Variants in GPC6 observed in about 807,000 individuals in gnomAD.
The protein encoded by GPC6 is glypican-6.
GPC6 carries 14 observed loss-of-function variants against 55.2 expected under a neutral mutation model. That is an observed-to-expected ratio of 0.25 (90% CI 0.17 to 0.40). The LOEUF is 0.40. Among genes scored for constraint, GPC6 ranks in the 10% least tolerant of loss-of-function variants. GPC6 has a pLI of 1.00. For synonymous variants in GPC6, 278 were observed against 259.6 expected (o/e 1.07, Z -0.68); for missense variants, 641 against 708.5 (o/e 0.90, Z 1.08).
chr13:94,382,661 A>G (rs902057601), intron 7 of GPC6, 111 bp downstream of exon 7: 14 of 1,409,536 alleles, frequency 9.9e-6, no homozygotes, highest in Non-Finnish European at 1.4e-5. Flanking sequence ...CAGAGGGTGG[A>G]GGGACAAGTC....
At position 93,583,338 on chromosome 13, in the gene GPC6, T is replaced by TTGTGTGTGTG. The variant is rs34034260; in HGVS notation, c.319+37924_319+37933dup. On this transcript the variant is annotated intron_variant, in intron 2 of 8. Transcript: ENST00000377047. ...GAATTTGTTTTAAAAGTAATGCACA[T>TTGTGTGTGTG]TGTGTGTGTGTGTGTGCGCGCGCGC... is the stretch of plus-strand genomic sequence containing the variant. Among the ~76,000 whole-genome samples the TTGTGTGTGTG allele has an allele frequency of 7.7e-3, 1,166 of 151,564 alleles. 9 individuals are homozygous for TTGTGTGTGTG. Among genetic ancestry groups the TTGTGTGTGTG allele is most frequent in the Middle Eastern group, 0.021 (6 of 292 alleles).
At position 93,395,094 on chromosome 13, in the gene GPC6, C is replaced by A. The variant is rs184733910; in HGVS notation, c.161-150169C>A. On this transcript the variant is annotated intron_variant, in intron 1 of 8. Transcript: ENST00000377047. ...TAATTGCCAAAATCATTGCAGATTACACAACTTCCAAAGTTGATTCCATCA... is the reference window on the plus strand; with the variant it reads ...TAATTGCCAAAATCATTGCAGATTAAACAACTTCCAAAGTTGATTCCATCA... The A allele has an allele frequency of 4.8e-4, 128 of 267,010 alleles. 1 individual carries two copies. The East Asian group carries it at 9.3e-3, about 19-fold the overall frequency. The allele number at this position is 267,010 out of a possible 1,614,324, so 16.5% of individuals were successfully genotyped here.
intron 4 of GPC6, among the ~76,000 whole-genome samples, chr13:94,071,167 T>C (rs948720396): frequency 1.3e-5 from 2 of 152,228 alleles, no homozygotes; most frequent in Admixed American, 1.3e-4. Context: ...CAGCATTTGA[T>C]TATTCATTAT....
chr13:94,302,006 C>T (rs2139106118), intron 5 of GPC6, among the ~76,000 whole-genome samples: 1 of 152,318 alleles, frequency 6.6e-6, no homozygotes, highest in Non-Finnish European at 1.5e-5. Flanking sequence ...CAAAACTGTG[C>T]CTAACTATAC....
chr13:93,276,279 A>G (rs770585353), intron 1 of GPC6, among the ~76,000 whole-genome samples: 9 of 151,992 alleles, frequency 5.9e-5, no homozygotes, highest in Non-Finnish European at 7.4e-5. Context: ...GGAAGATGAA[A>G]AAGAAAGTCC....
chr13:94,128,413 C>T (rs1886896585), intron 4 of GPC6, among the ~76,000 whole-genome samples: 1 of 152,162 alleles, frequency 6.6e-6, no homozygotes, highest in Non-Finnish European at 1.5e-5. Context: ...TAGACAACTT[C>T]AAAATCTCAG....
chr13:94,052,273 C>T (rs189968709), intron 4 of GPC6, among the ~76,000 whole-genome samples: 6 of 152,210 alleles, frequency 3.9e-5, no homozygotes, highest in Non-Finnish European at 7.4e-5. Flanking sequence ...TGGGTCAGGT[C>T]ATGCATTATA....
intron 1 of GPC6, among the ~76,000 whole-genome samples, chr13:93,447,803 A>G (rs915836784): frequency 2.6e-5 from 4 of 152,164 alleles, no homozygotes; most frequent in African/African-American, 9.6e-5. Context: ...GCCTGTTTGT[A>G]TAATAGCTTT....
At chr13:93,432,486 C>T (rs183545458) in intron 1 of GPC6, among the ~76,000 whole-genome samples, 1 of 152,180 alleles carries the variant, frequency 6.6e-6, no homozygotes, top group East Asian at 1.9e-4. Context: ...GAAGTGGAGT[C>T]TGGTGGTTTT....
chr13:94,078,149 T>C (rs1884982960), intron 4 of GPC6, among the ~76,000 whole-genome samples: 1 of 151,834 alleles, frequency 6.6e-6, no homozygotes, highest in South Asian at 2.1e-4. Context: ...AATTTAATAA[T>C]ATATTTTTGA....
chr13:93,273,037 A>G (rs895838411), intron 1 of GPC6, among the ~76,000 whole-genome samples: 1 of 152,240 alleles, frequency 6.6e-6, no homozygotes, highest in African/African-American at 2.4e-5. Flanking sequence ...CTTCTCAACA[A>G]AAGCTGAAAT....
At chr13:94,174,389 C>T (rs927316107) in intron 4 of GPC6, among the ~76,000 whole-genome samples, 1 of 151,964 alleles carries the variant, frequency 6.6e-6, no homozygotes, top group Non-Finnish European at 1.5e-5. Flanking sequence ...AGTTAGAGGA[C>T]ACAATGGGGA....
intron 4 of GPC6, among the ~76,000 whole-genome samples, chr13:94,056,441 G>A (rs151147698): frequency 1.1e-4 from 17 of 152,220 alleles, no homozygotes; most frequent in East Asian, 3.9e-4. Flanking sequence ...TTCAATACAC[G>A]TGGAGAATGT....
intron 1 of GPC6, among the ~76,000 whole-genome samples, chr13:93,336,286 A>G (rs1436021099): frequency 6.6e-6 from 1 of 152,080 alleles, no homozygotes; most frequent in African/African-American, 2.4e-5. Flanking sequence ...CCATATTATT[A>G]TATTGGATGA....
intron 2 of GPC6, among the ~76,000 whole-genome samples, chr13:93,669,965 A>G (rs1881293619): frequency 1.3e-5 from 2 of 152,188 alleles, no homozygotes; most frequent in African/African-American, 4.8e-5. Flanking sequence ...TTTAATTTCA[A>G]GGAGGAAGGG....
At chr13:93,798,938 T>C (rs116238417) in intron 2 of GPC6, among the ~76,000 whole-genome samples, 2,307 of 108,992 alleles carry the variant, frequency 0.021, 66 homozygotes, top group African/African-American at 0.078. Flanking sequence ...AAAAAAAAAA[T>C]GGTGACAACA....
intron 4 of GPC6, among the ~76,000 whole-genome samples, chr13:94,073,586 G>C (rs1337957285): frequency 6.6e-6 from 1 of 152,058 alleles, no homozygotes; most frequent in South Asian, 2.1e-4. Context: ...TGAACCTCGG[G>C]TTATAGAAAA....
intron 6 of GPC6, among the ~76,000 whole-genome samples, chr13:94,352,510 G>T (rs1878601457): frequency 6.6e-6 from 1 of 152,164 alleles, no homozygotes; most frequent in Admixed American, 6.5e-5. Flanking sequence ...CATTCTCGGG[G>T]CTTCCTCACT....
chr13:93,685,621 G>A (rs1255642880), intron 2 of GPC6, among the ~76,000 whole-genome samples: 1 of 151,982 alleles, frequency 6.6e-6, no homozygotes, highest in Non-Finnish European at 1.5e-5. Context: ...AATGTGGGTG[G>A]TCTTATGCCA....
Sources: gnomAD v4.1 joint callset for allele counts (sites outside exome capture counted in the v4.1 genomes callset) on GRCh38, gnomAD v4.1.1 for gene constraint, MANE v1.5 for transcripts, NCBI Gene and HGNC (gene_info 2026-07-23, HGNC 2026-07-21) for gene names.